JMJD1C: variants seen among roughly 807,000 people sequenced by gnomAD.
JMJD1C encodes the protein jumonji domain-containing protein 1C.
Under a neutral mutation model 245.3 loss-of-function variants are expected in JMJD1C, and 31 were observed. The observed-to-expected ratio is 0.13, with a 90% CI of 0.09 to 0.17. The LOEUF is 0.17. JMJD1C is among the 10% of genes least tolerant of loss of function. JMJD1C has a pLI of 1.00. For missense variants in JMJD1C, 2,691 were observed against 3,000.2 expected, an observed-to-expected ratio of 0.90 and a Z score of 2.41; for synonymous variants, 1,057 against 1,017.4, an observed-to-expected ratio of 1.04 and a Z score of -0.74.
intron 1 of JMJD1C, among the ~76,000 whole-genome samples, chr10:63,461,068 GATC>G (rs949491014): frequency 6.6e-6 from 1 of 152,096 alleles, no homozygotes; most frequent in African/African-American, 2.4e-5. Flanking sequence ...TTTACTGGGC[GATC>G]ATCACCTTCT....
intron 5 of JMJD1C, 110 bp from the exon 6 acceptor site, chr10:63,215,806 T>G: frequency 6.7e-5 from 44 of 652,796 alleles, no homozygotes; most frequent in Non-Finnish European, 1.0e-4. Context: ...TTGGGATCCC[T>G]AATTTATAAG....
chr10:63,188,719 G>C (rs1419043994), intron 18 of JMJD1C, among the ~76,000 whole-genome samples: 3 of 152,088 alleles, frequency 2.0e-5, no homozygotes, highest in Non-Finnish European at 4.4e-5. Flanking sequence ...TGTCATTCAA[G>C]ATTTGATGAA....
intron 1 of JMJD1C, among the ~76,000 whole-genome samples, chr10:63,505,666 G>GA (rs1954695891): frequency 1.3e-5 from 2 of 152,102 alleles, no homozygotes; most frequent in Admixed American, 1.3e-4. Context: ...TAGGAACTGA[G>GA]AATGTTTGTT....
At chr10:63,396,739 T>C (rs1358025850) in intron 1 of JMJD1C, among the ~76,000 whole-genome samples, 4 of 151,836 alleles carry the variant, frequency 2.6e-5, no homozygotes, top group African/African-American at 4.8e-5. Flanking sequence ...GAAGAGAAAC[T>C]AATAATACAA....
intron 2 of JMJD1C, among the ~76,000 whole-genome samples, chr10:63,331,579 G>A (rs1450017926): frequency 1.3e-5 from 2 of 152,120 alleles, no homozygotes; most frequent in Non-Finnish European, 2.9e-5. Flanking sequence ...TGATCCAGAC[G>A]TTTTAACAGA....
chr10:63,176,604 T>A (rs1261832601), intron 23 of JMJD1C, 131 bp from the exon 24 acceptor site: 2 of 661,098 alleles, frequency 3.0e-6, no homozygotes, highest in Non-Finnish European at 5.1e-6. Flanking sequence ...TGAATGAGCT[T>A]CTTCAGTTAA....
intron 2 of JMJD1C, among the ~76,000 whole-genome samples, chr10:63,353,512 G>C (rs1030804293): frequency 6.6e-6 from 1 of 151,990 alleles, no homozygotes; most frequent in African/African-American, 2.4e-5. Context: ...CAGGTACTTT[G>C]GGAATCTTTT....
chr10:63,363,537 C>T (rs1258546416), intron 2 of JMJD1C, among the ~76,000 whole-genome samples: 5 of 151,594 alleles, frequency 3.3e-5, no homozygotes, highest in South Asian at 2.1e-4. Context: ...GGATTACAGG[C>T]GTGAGCCACC....
At chr10:63,317,616 A>C (rs913696618) in intron 2 of JMJD1C, among the ~76,000 whole-genome samples, 2 of 152,158 alleles carry the variant, frequency 1.3e-5, no homozygotes, top group African/African-American at 4.8e-5. Context: ...ATGTTCTTGC[A>C]AATATGAAAA....
At chr10:63,183,150 T>TGTGAG in intron 22 of JMJD1C, among the ~76,000 whole-genome samples, 1 of 152,348 alleles carries the variant, frequency 6.6e-6, no homozygotes, top group East Asian at 1.9e-4. Context: ...TGTGAGCCAC[T>TGTGAG]GCGCCCAGCC....
chr10:63,403,568 T>A (rs950747729), intron 1 of JMJD1C, among the ~76,000 whole-genome samples: 4 of 152,230 alleles, frequency 2.6e-5, no homozygotes, highest in African/African-American at 9.6e-5. Context: ...ACAAAAGGAC[T>A]TAACAAAGTA....
chr10:63,335,555 A>C (rs1364183150), intron 2 of JMJD1C, among the ~76,000 whole-genome samples: 4 of 152,198 alleles, frequency 2.6e-5, no homozygotes, highest in Non-Finnish European at 5.9e-5. Context: ...TCTGACGCCC[A>C]GGCTGGAGTG....
intron 8 of JMJD1C, 81 bp from the exon 9 acceptor site, chr10:63,209,316 G>T: frequency 8.4e-7 from 1 of 1,183,490 alleles, no homozygotes; most frequent in Non-Finnish European, 1.1e-6. Flanking sequence ...GTAGAACTGG[G>T]TATGATCTTG....
chr10:63,314,109 C>T (rs939970690), intron 2 of JMJD1C, among the ~76,000 whole-genome samples: 23 of 152,252 alleles, frequency 1.5e-4, no homozygotes, highest in African/African-American at 2.6e-4. Flanking sequence ...AGGTGAGAGA[C>T]GAGGATCCAG....
chr10:63,434,247 T>C (rs1950938658), intron 1 of JMJD1C, among the ~76,000 whole-genome samples: 1 of 152,210 alleles, frequency 6.6e-6, no homozygotes, highest in Non-Finnish European at 1.5e-5. Context: ...AGTTGGCATT[T>C]ATGTTTCTGC....
chr10:63,317,699 A>G (rs1013767864), intron 2 of JMJD1C, among the ~76,000 whole-genome samples: 1 of 152,180 alleles, frequency 6.6e-6, no homozygotes, highest in African/African-American at 2.4e-5. Flanking sequence ...CCAACACCAG[A>G]ATGCCAATGG....
intron 1 of JMJD1C, among the ~76,000 whole-genome samples, 157 bp from the exon 2 acceptor site, chr10:63,380,639 C>T (rs974192475): frequency 5.9e-5 from 9 of 152,130 alleles, no homozygotes; most frequent in Admixed American, 3.9e-4. Flanking sequence ...ATTAGAATAT[C>T]CATCACCTCA....
chr10:63,351,223 C>T (rs541250765), intron 2 of JMJD1C, among the ~76,000 whole-genome samples: 99 of 151,556 alleles, frequency 6.5e-4, no homozygotes, highest in Non-Finnish European at 1.2e-3. Context: ...GGATTACAAG[C>T]GCCTGCCACC....
chr10:63,193,659 TTTTTTTTG>T (rs1332603403), intron 14 of JMJD1C, 187 bp from the exon 15 acceptor site: 8 of 445,842 alleles, frequency 1.8e-5, no homozygotes, highest in Non-Finnish European at 2.7e-5. Flanking sequence ...CAAATTTATG[TTTTTTTTG>T]TTTTTTTGTT....
Sources: gnomAD v4.1 joint callset for allele counts (sites outside exome capture counted in the v4.1 genomes callset) on GRCh38, gnomAD v4.1.1 for gene constraint, MANE v1.5 for transcripts, NCBI Gene and HGNC (gene_info 2026-07-23, HGNC 2026-07-21) for gene names.